The following HSD17B4 variants were observed in gnomAD, a reference collection of about 807,000 sequenced individuals.
The protein encoded by HSD17B4 is peroxisomal multifunctional enzyme type 2.
Under a neutral mutation model 101.0 loss-of-function variants are expected in HSD17B4, and 70 were observed. That is an observed-to-expected ratio of 0.69 (90% CI 0.57 to 0.85). HSD17B4 has a LOEUF of 0.85. Ranked by LOEUF, HSD17B4 falls within the 40% of genes least tolerant of loss-of-function variation. HSD17B4 has a pLI of 0.00. For synonymous variants in HSD17B4, 347 were observed against 297.1 expected, an observed-to-expected ratio of 1.17 and a Z score of -1.73; for missense variants, 984 against 892.4, an observed-to-expected ratio of 1.10 and a Z score of -1.31.
intron 1 of HSD17B4, among the ~76,000 whole-genome samples, chr5:119,454,408 T>A (rs1048265805): frequency 1.0e-4 from 15 of 150,614 alleles, no homozygotes; most frequent in African/African-American, 3.7e-4. Context: ...TGGGCTCAAG[T>A]GATCCTTTTG....
intron 23 of HSD17B4, among the ~76,000 whole-genome samples, chr5:119,538,727 C>T (rs1754736558): frequency 6.6e-6 from 1 of 152,096 alleles, no homozygotes; most frequent in Non-Finnish European, 1.5e-5. Flanking sequence ...TCAGCTTTTA[C>T]TCCTTCAATG....
chr5:119,491,948 C>T (rs887042171), intron 9 of HSD17B4, 152 bp from the exon 10 acceptor site: 7 of 732,596 alleles, frequency 9.6e-6, no homozygotes, highest in Non-Finnish European at 1.3e-5. Flanking sequence ...GTCATGGGGG[C>T]CAGTGGACTC....
At chr5:119,514,819 T>G (rs1165667675) in intron 16 of HSD17B4, among the ~76,000 whole-genome samples, 162 bp from the exon 17 acceptor site, 1 of 152,166 alleles carries the variant, frequency 6.6e-6, no homozygotes, top group East Asian at 1.9e-4. Flanking sequence ...GTTATGAAAT[T>G]TTAAATATCA....
intron 8 of HSD17B4, among the ~76,000 whole-genome samples, chr5:119,480,383 A>T (rs1442473873): frequency 1.3e-5 from 2 of 152,132 alleles, no homozygotes; most frequent in African/African-American, 4.8e-5. Context: ...AAAGAGAGAA[A>T]TTTTAAAGCT....
intron 8 of HSD17B4, among the ~76,000 whole-genome samples, chr5:119,485,334 G>C (rs1749522229): frequency 6.6e-6 from 1 of 152,122 alleles, no homozygotes; most frequent in African/African-American, 2.4e-5. Context: ...GACCACTAAA[G>C]GCATTAGGTA....
intron 8 of HSD17B4, among the ~76,000 whole-genome samples, chr5:119,483,154 TAA>T (rs1266713777): frequency 6.6e-6 from 1 of 152,140 alleles, no homozygotes; most frequent in Non-Finnish European, 1.5e-5. Context: ...GTAAAACTTA[TAA>T]AAGTGTTGGA....
At chr5:119,465,612 A>C (rs1450949061) in intron 2 of HSD17B4, among the ~76,000 whole-genome samples, 1 of 152,228 alleles carries the variant, frequency 6.6e-6, no homozygotes, top group Non-Finnish European at 1.5e-5. Context: ...TCCTATAACA[A>C]TGCAGAAGTA....
chr5:119,455,542 T>TTCTCTCTC (rs200829499), intron 1 of HSD17B4, among the ~76,000 whole-genome samples: 72 of 139,360 alleles, frequency 5.2e-4, no homozygotes, highest in East Asian at 3.4e-3. Context: ...AAGCAAAACT[T>TTCTCTCTC]TCTCTCTCTC....
chr5:119,497,957 G>A (rs1021099930), intron 12 of HSD17B4, among the ~76,000 whole-genome samples: 6 of 151,858 alleles, frequency 4.0e-5, no homozygotes, highest in Non-Finnish European at 7.4e-5. Context: ...TTTTGGGTCC[G>A]TTTCTTTTAA....
intron 17 of HSD17B4, among the ~76,000 whole-genome samples, chr5:119,517,215 G>T (rs1348074974): frequency 6.6e-6 from 1 of 152,236 alleles, no homozygotes; most frequent in African/African-American, 2.4e-5. Context: ...GGCCGGCCCT[G>T]CTGGCCCCGG....
At chr5:119,456,606 G>A (rs1372789534) in intron 2 of HSD17B4, 1 of 513,206 alleles carries the variant, frequency 1.9e-6, no homozygotes, top group East Asian at 3.5e-5. Context: ...TAGGGGGTAG[G>A]CATGCTGGCT....
In HSD17B4 at chr5:119,504,172, A is replaced by AT. The variant is rs1309976408; in HGVS notation, c.1261+2083dup. ...TATATGTACCACATTTTCTTTATCC[A>AT]TTTCACCATTGATGGGCACCTAGAT... On this transcript the variant is annotated intron_variant, in intron 14 of 23. Coordinates refer to ENST00000510025, the MANE Select transcript of HSD17B4 (RefSeq NM_000414.4). 7.9e-4 allele frequency among the ~76,000 whole-genome samples: 120 copies of AT among 152,042 alleles called. 1 individual carries two copies. Among genetic ancestry groups the AT allele is most frequent in the Non-Finnish European group, 9.0e-4 (61 of 68,002 alleles).
At chr5:119,485,648 TG>T (rs540410417) in intron 8 of HSD17B4, among the ~76,000 whole-genome samples, 98 of 152,228 alleles carry the variant, frequency 6.4e-4, no homozygotes, top group Admixed American at 1.0e-3. Context: ...AGGAATTATT[TG>T]TTAAAGAACC....
chr5:119,492,615 C>A (rs1750214455), intron 10 of HSD17B4: 1 of 154,288 alleles, frequency 6.5e-6, no homozygotes, highest in Non-Finnish European at 1.4e-5. Flanking sequence ...CATTGGACAA[C>A]TTACTGGGAC....
intron 4 of HSD17B4, among the ~76,000 whole-genome samples, chr5:119,474,662 G>GT (rs1748404658): frequency 6.6e-6 from 1 of 152,016 alleles, no homozygotes; most frequent in South Asian, 2.1e-4. Context: ...TGTTGAGTTT[G>GT]TTTTTTTGCA....
intron 17 of HSD17B4, among the ~76,000 whole-genome samples, chr5:119,524,580 G>A (rs967844076): frequency 1.3e-5 from 2 of 152,030 alleles, no homozygotes; most frequent in Non-Finnish European, 2.9e-5. Context: ...CCATTTAAAC[G>A]CCAGAAAGTA....
At chr5:119,526,879 G>A (rs1580699915) in intron 19 of HSD17B4, among the ~76,000 whole-genome samples, 1 of 151,750 alleles carries the variant, frequency 6.6e-6, no homozygotes, top group Non-Finnish European at 1.5e-5. Flanking sequence ...TTTATTTCTT[G>A]ATTTGTCAAG....
intron 8 of HSD17B4, among the ~76,000 whole-genome samples, chr5:119,484,483 T>C (rs1204381228): frequency 6.6e-6 from 1 of 152,196 alleles, no homozygotes; most frequent in African/African-American, 2.4e-5. Flanking sequence ...GAATGGATAA[T>C]TGAGAGCCTA....
At chr5:119,493,779 A>G (rs992006155) in intron 10 of HSD17B4, 39 bp from the exon 11 acceptor site, 1 of 1,600,162 alleles carries the variant, frequency 6.2e-7, no homozygotes, top group East Asian at 2.2e-5. Flanking sequence ...CTGTCTCTCA[A>G]CTATGTGCTC....
Sources: allele counts gnomAD v4.1 joint callset (sites outside exome capture counted in the v4.1 genomes callset), GRCh38; gene constraint gnomAD v4.1.1; transcripts MANE v1.5; gene names NCBI Gene and HGNC (gene_info 2026-07-23, HGNC 2026-07-21).